NPTN: variants seen among roughly 807,000 people sequenced by gnomAD.
The protein encoded by NPTN is SDR-1.
Under a neutral mutation model 42.7 loss-of-function variants are expected in NPTN, and 5 were observed. The observed-to-expected ratio is 0.12, with a 90% CI of 0.06 to 0.25. The LOEUF is 0.25. Ranked by LOEUF, NPTN falls within the 10% of genes least tolerant of loss-of-function variation. The pLI, the probability that NPTN is intolerant of heterozygous loss-of-function variation, is 1.00. For missense variants in NPTN, 307 were observed against 525.4 expected, an observed-to-expected ratio of 0.58 and a Z score of 4.06; for synonymous variants, 180 against 201.9, an observed-to-expected ratio of 0.89 and a Z score of 0.92.
At chr15:73,613,830 C>T (rs1052368552) in intron 1 of NPTN, among the ~76,000 whole-genome samples, 3 of 151,800 alleles carry the variant, frequency 2.0e-5, no homozygotes, top group East Asian at 1.9e-4. Flanking sequence ...GGATTACAGG[C>T]GCCCACCACC....
chr15:73,596,326 A>G (rs1245083165), intron 2 of NPTN, among the ~76,000 whole-genome samples: 1 of 152,206 alleles, frequency 6.6e-6, no homozygotes, highest in Non-Finnish European at 1.5e-5. Flanking sequence ...TTAGAAAAGA[A>G]AAAGAGCTGG....
intron 4 of NPTN, among the ~76,000 whole-genome samples, chr15:73,582,024 C>T (rs530568385): frequency 1.3e-5 from 2 of 152,206 alleles, no homozygotes; most frequent in South Asian, 2.1e-4. Flanking sequence ...TTAGTAGAGA[C>T]GGGGTTTCAC....
At chr15:73,630,574 G>A (rs1898684119) in intron 1 of NPTN, among the ~76,000 whole-genome samples, 1 of 152,226 alleles carries the variant, frequency 6.6e-6, no homozygotes, top group Non-Finnish European at 1.5e-5. Flanking sequence ...AAGAGACCTT[G>A]AGAGTCATAC....
intron 4 of NPTN, among the ~76,000 whole-genome samples, chr15:73,580,409 TAATA>T (rs1339727274): frequency 1.9e-5 from 2 of 102,972 alleles, no homozygotes; most frequent in Non-Finnish European, 3.7e-5. Flanking sequence ...ATTATATATA[TAATA>T]TATATATAAT....
intron 8 of NPTN, among the ~76,000 whole-genome samples, chr15:73,561,543 G>A (rs919253333): frequency 2.6e-5 from 4 of 152,242 alleles, no homozygotes; most frequent in South Asian, 2.1e-4. Flanking sequence ...AGCTGGGCAT[G>A]GTGGTGGGCA....
intron 2 of NPTN, among the ~76,000 whole-genome samples, chr15:73,592,777 C>A (rs1332201211): frequency 2.0e-5 from 3 of 152,178 alleles, no homozygotes; most frequent in Non-Finnish European, 4.4e-5. Context: ...CATACCTATT[C>A]CCAAAACAAG....
In NPTN at chr15:73,597,383, G is replaced by C. The variant is rs1473549163; in HGVS notation, c.92-14C>G. 1 of 1,593,486 alleles carries C rather than the reference G, an allele frequency of 6.3e-7. No homozygotes were observed. The highest frequency in any genetic ancestry group is 1.1e-5 in the South Asian group (1 of 90,510). On this transcript the variant is annotated splice_polypyrimidine_tract_variant and intron_variant, in intron 1 of 8. Transcript: ENST00000345330. The surrounding 1 kb of genome is among the most constrained non-coding windows in gnomAD (Gnocchi z 6.3). ...TGACAAACCCAGCTAGAGGGAGGGG[G>C]AGCAGGAATGCAGTGACAGGCCAAT...
chr15:73,574,043 T>G (rs1895553466), intron 4 of NPTN, among the ~76,000 whole-genome samples: 1 of 152,220 alleles, frequency 6.6e-6, no homozygotes, highest in African/African-American at 2.4e-5. Flanking sequence ...TCTACTAATG[T>G]AGGTGATTCT....
At position 73,569,540 on chromosome 15, in the gene NPTN, T is replaced by C; in HGVS notation, c.1114+610A>G. The stretch of plus-strand genomic sequence containing the variant: ...GATACATCAGACTCTCCTTTGTCTG[T>C]GAGACACAGATGGAAAGCCACCCAG... On this transcript the variant is annotated intron_variant, in intron 6 of 8. Transcript: ENST00000345330. The surrounding 1 kb of genome is among the most constrained non-coding windows in gnomAD (Gnocchi z 4.1). 1 of 985,244 alleles carries C rather than the reference T, an allele frequency of 1.0e-6. No individual in the cohort carries two copies. Among genetic ancestry groups the C allele is most frequent in the Non-Finnish European group, 1.2e-6 (1 of 829,918 alleles). 61.0% of individuals were successfully genotyped at this position (985,244 alleles called of 1,614,324 possible).
At chr15:73,601,009 T>G (rs943911529) in intron 1 of NPTN, among the ~76,000 whole-genome samples, 24 of 152,152 alleles carry the variant, frequency 1.6e-4, no homozygotes, top group African/African-American at 5.8e-4. Flanking sequence ...GGAGCCAAAT[T>G]AATAAAGGGC....
intron 6 of NPTN, chr15:73,567,903 T>C (rs2141354980): frequency 1.0e-6 from 1 of 985,386 alleles, no homozygotes; most frequent in African/African-American, 1.7e-5. Context: ...ATTACAATAC[T>C]CTCCCAAGAG....
At chr15:73,629,778 T>G (rs1191547240) in intron 1 of NPTN, among the ~76,000 whole-genome samples, 1 of 151,494 alleles carries the variant, frequency 6.6e-6, no homozygotes, top group African/African-American at 2.4e-5. Flanking sequence ...TTTCTCTTAT[T>G]CACAACAATA....
intron 6 of NPTN, chr15:73,567,522 C>A (rs1363477185): frequency 2.0e-6 from 2 of 985,188 alleles, no homozygotes; most frequent in South Asian, 9.4e-5. Context: ...AGGAAGCAGA[C>A]AGGTAAGTTT....
chr15:73,628,167 A>G (rs564733753), intron 1 of NPTN, among the ~76,000 whole-genome samples: 1 of 152,326 alleles, frequency 6.6e-6, no homozygotes, highest in African/African-American at 2.4e-5. Flanking sequence ...TTTTCACAGG[A>G]GGTGATTCTC....
chr15:73,586,156 C>G (rs1896309112), intron 4 of NPTN, among the ~76,000 whole-genome samples: 1 of 152,212 alleles, frequency 6.6e-6, no homozygotes, highest in Non-Finnish European at 1.5e-5. Flanking sequence ...CACCCTGCCT[C>G]TCTGCACTTG....
At chr15:73,587,335 A>C (rs1896364946) in intron 4 of NPTN, among the ~76,000 whole-genome samples, 189 bp downstream of exon 4, 1 of 152,218 alleles carries the variant, frequency 6.6e-6, no homozygotes, top group South Asian at 2.1e-4. Context: ...CCAAGGCCAC[A>C]CAGCTAGTAG....
intron 4 of NPTN, among the ~76,000 whole-genome samples, chr15:73,580,448 A>G (rs1895951282): frequency 7.3e-6 from 1 of 137,494 alleles, no homozygotes; most frequent in East Asian, 2.0e-4. Context: ...TATAATATAT[A>G]TGTATATATA....
At chr15:73,580,390 A>T (rs1895926637) in intron 4 of NPTN, among the ~76,000 whole-genome samples, 1 of 132,014 alleles carries the variant, frequency 7.6e-6, no homozygotes, top group Non-Finnish European at 1.5e-5. Flanking sequence ...AAAACTTTAA[A>T]ATATATATAT....
rs754183210 is a variant in NPTN, at chr15:73,633,227, G to A, written c.-12C>T. On this transcript the variant is annotated 5_prime_UTR_variant, in exon 1 of 9. Transcript: ENST00000345330. ...GACGAACCCGACATCCTCCCTAGCAGAAGACCCAACAGCGAATGGGCCGGG... is the reference window on the plus strand; with the variant it reads ...GACGAACCCGACATCCTCCCTAGCAAAAGACCCAACAGCGAATGGGCCGGG... The A allele has an allele frequency of 6.7e-7, 1 of 1,489,084 alleles. No individual in the cohort carries two copies. The highest frequency in any genetic ancestry group is 1.3e-5 in the South Asian group (1 of 79,734). 92.2% of individuals were successfully genotyped at this position (1,489,084 alleles called of 1,614,324 possible). A position where few individuals can be genotyped will look rare whatever the true frequency, so the allele number is the denominator to read the frequency against.
Sources: allele counts gnomAD v4.1 joint callset (sites outside exome capture counted in the v4.1 genomes callset), GRCh38; gene constraint gnomAD v4.1.1; non-coding constraint Gnocchi (gnomAD v3.1); transcripts MANE v1.5; gene names NCBI Gene and HGNC (gene_info 2026-07-23, HGNC 2026-07-21).